PCDHA5: variants seen among roughly 807,000 people sequenced by gnomAD.
The protein encoded by PCDHA5 is protocadherin alpha-5.
PCDHA5 carries 43 observed loss-of-function variants against 61.6 expected under a neutral mutation model. The ratio of observed to expected loss-of-function variants is 0.70; its 90% CI spans 0.55 to 0.90. PCDHA5 has a LOEUF of 0.90. Ranked by LOEUF, PCDHA5 falls within the 40% of genes least tolerant of loss-of-function variation. The pLI is 0.00. For synonymous variants in PCDHA5, 627 were observed against 543.9 expected (o/e 1.15, Z -2.13); for missense variants, 1,298 against 1,222.7 (o/e 1.06, Z -0.92).
chr5:140,895,044 C>T (rs964599264), intron 1 of PCDHA5, among the ~76,000 whole-genome samples: 24 of 152,112 alleles, frequency 1.6e-4, no homozygotes, highest in Non-Finnish European at 2.2e-4. Flanking sequence ...CCACCCACAC[C>T]ATTCTGCTTC....
At chr5:140,927,575 A>G (rs782237037) in intron 1 of PCDHA5, 1 of 1,614,202 alleles carries the variant, frequency 6.2e-7, no homozygotes, top group South Asian at 1.1e-5. Context: ...GACACAAATG[A>G]CAACGCGCCT....
intron 1 of PCDHA5, among the ~76,000 whole-genome samples, chr5:140,920,166 A>G (rs539079245): frequency 2.2e-4 from 34 of 152,328 alleles, no homozygotes; most frequent in African/African-American, 7.9e-4. Flanking sequence ...AACTGTCTTA[A>G]GCAACCCAGT....
At chr5:140,884,435 T>C (rs1554181555) in intron 1 of PCDHA5, 1 of 1,613,872 alleles carries the variant, frequency 6.2e-7, no homozygotes, top group East Asian at 2.2e-5. Flanking sequence ...TGCGCTGCGG[T>C]GCTCGGCACC....
chr5:140,849,786 G>A, intron 1 of PCDHA5: 3 of 1,598,490 alleles, frequency 1.9e-6, no homozygotes, highest in African/African-American at 1.3e-5. Context: ...GCGGGACGGG[G>A]GCTCGCCTTC....
intron 2 of PCDHA5, among the ~76,000 whole-genome samples, chr5:140,979,343 AATT>A (rs1482354475): frequency 8.6e-5 from 13 of 152,024 alleles, no homozygotes; most frequent in African/African-American, 3.1e-4. Flanking sequence ...TAAAAACTGT[AATT>A]AATACTCATG....
At chr5:140,919,552 T>C (rs2079193484) in intron 1 of PCDHA5, among the ~76,000 whole-genome samples, 1 of 152,224 alleles carries the variant, frequency 6.6e-6, no homozygotes, top group South Asian at 2.1e-4. Context: ...ATTTACTGAT[T>C]TATATTAAGT....
chr5:140,897,080 A>AT lies in PCDHA5; in HGVS notation c.2352+72959dup, dbSNP rs201233181. The stretch of plus-strand genomic sequence containing the variant: ...ATACTATGTCTTATTCATTTTTTCT[A>AT]TTTTTTATCCTCATTAAAAATCTCC... On this transcript the variant is annotated intron_variant, in intron 1 of 3. Transcript: ENST00000529859. 8.0e-3 allele frequency among the ~76,000 whole-genome samples: 1,212 copies of AT among 152,020 alleles called. 6 individuals carry two copies. Among genetic ancestry groups the AT allele is most frequent in the African/African-American group, 0.019 (783 of 41,452 alleles).
chr5:140,821,696 T>C lies in PCDHA5; in HGVS notation c.-80T>C, dbSNP rs1767030213. The stretch of plus-strand genomic sequence containing the variant: ...CAGAAAGGCGATAATATAAAAAATA[T>C]ATAGTTAATTGGGAATTGAATTTAC... On this transcript the variant is annotated 5_prime_UTR_variant, in exon 1 of 4. Coordinates refer to ENST00000529859, the MANE Select transcript of PCDHA5 (RefSeq NM_018908.3). 3 of 1,400,466 alleles carry C rather than the reference T, an allele frequency of 2.1e-6. No homozygotes were observed. The highest frequency in any genetic ancestry group is 2.9e-6 in the Non-Finnish European group (3 of 1,028,914). The allele number at this position is 1,400,466 out of a possible 1,614,324, so 86.8% of individuals were successfully genotyped here. A position where few individuals can be genotyped will look rare whatever the true frequency, so the allele number is the denominator to read the frequency against.
chr5:140,859,289 ATACTT>A (rs1272125290), intron 1 of PCDHA5: 2 of 129,084 alleles, frequency 1.5e-5, no homozygotes, highest in African/African-American at 5.5e-5. Context: ...GAGACTGAAA[ATACTT>A]TAGTATGAAT....
chr5:140,930,098 A>G (rs1345846320), intron 1 of PCDHA5: 1 of 152,124 alleles, frequency 6.6e-6, no homozygotes, highest in Non-Finnish European at 1.5e-5. Flanking sequence ...ATTTATACTG[A>G]TAGGAGATCA....
chr5:140,912,860 G>T (rs1554195574), intron 1 of PCDHA5, among the ~76,000 whole-genome samples: 1 of 152,182 alleles, frequency 6.6e-6, no homozygotes, highest in South Asian at 2.1e-4. Flanking sequence ...CAATTGAAAT[G>T]ATATATGGTT....
chr5:140,889,032 AT>A (rs1357652460), intron 1 of PCDHA5, among the ~76,000 whole-genome samples: 12 of 152,198 alleles, frequency 7.9e-5, no homozygotes, highest in South Asian at 6.2e-4. Context: ...GATAACCGTA[AT>A]TTGATTATAA....
chr5:140,997,668 TTGTG>T lies in PCDHA5; in HGVS notation c.2501-11933_2501-11930del, dbSNP rs35184029. On this transcript the variant is annotated intron_variant, in intron 3 of 3. Coordinates refer to ENST00000529859, the MANE Select transcript of PCDHA5 (RefSeq NM_018908.3). ...AATGCAATATGTATTATTATACAGC[TTGTG>T]TGTGTGTGTGTGTGTGTGTGTGTGT... Among the ~76,000 whole-genome samples, 716 of 148,202 alleles carry T rather than the reference TTGTG, an allele frequency of 4.8e-3. 2 individuals carry two copies. The highest frequency in any genetic ancestry group is 0.01 in the Middle Eastern group (3 of 294).
chr5:140,869,332 G>A, intron 1 of PCDHA5: 3 of 1,613,960 alleles, frequency 1.9e-6, no homozygotes, highest in Middle Eastern at 1.7e-4. Flanking sequence ...CCTTCTGGAG[G>A]TAAATCTGCA....
intron 1 of PCDHA5, chr5:140,867,560 C>G (rs1352328708): frequency 1.3e-5 from 2 of 152,070 alleles, no homozygotes; most frequent in African/African-American, 4.8e-5. Context: ...CATATGATAA[C>G]TTTTTCATAT....
chr5:140,906,669 A>G (rs2153496058), intron 1 of PCDHA5, among the ~76,000 whole-genome samples: 1 of 152,302 alleles, frequency 6.6e-6, no homozygotes. Context: ...GTAGTGACCC[A>G]AACCTTCATT....
At chr5:140,889,257 A>G (rs946372435) in intron 1 of PCDHA5, among the ~76,000 whole-genome samples, 1 of 151,854 alleles carries the variant, frequency 6.6e-6, no homozygotes, top group Non-Finnish European at 1.5e-5. Flanking sequence ...TTTCCTGTAA[A>G]AGTTTGTATA....
intron 1 of PCDHA5, 115 bp downstream of exon 1, chr5:140,824,242 G>A: frequency 1.3e-6 from 2 of 1,484,524 alleles, no homozygotes; most frequent in East Asian, 2.3e-5. Flanking sequence ...AAATATTGTG[G>A]TACACAATTA....
At position 140,967,833 on chromosome 5, in the gene PCDHA5, T is replaced by G. The variant is rs1554229998; in HGVS notation, c.2353-11116T>G. The G allele has an allele frequency of 1.2e-6, 2 of 1,614,014 alleles. No homozygotes were observed. The highest frequency in any genetic ancestry group is 4.5e-5 in the East Asian group (2 of 44,876). On this transcript the variant is annotated intron_variant, in intron 1 of 3. Transcript: ENST00000529859. The stretch of plus-strand genomic sequence containing the variant: ...CACTGCAAGGTGCTGGTGGACATCG[T>G]GGACGTGAATGACAATGCCCCAGAG...
Sources: allele counts gnomAD v4.1 joint callset (sites outside exome capture counted in the v4.1 genomes callset), GRCh38; gene constraint gnomAD v4.1.1; transcripts MANE v1.5; gene names NCBI Gene and HGNC (gene_info 2026-07-23, HGNC 2026-07-21).